Variants in NCOR2 observed in about 807,000 individuals in gnomAD.
NCOR2 encodes nuclear receptor corepressor 2, also known as CTG repeat protein 26.
In NCOR2, 81 loss-of-function variants were observed where a neutral mutation model predicts 262.9. That is an observed-to-expected ratio of 0.31 (90% CI 0.26 to 0.37). The LOEUF is 0.37. Ranked by LOEUF, NCOR2 falls within the 10% of genes least tolerant of loss-of-function variation. The pLI, the probability that NCOR2 is intolerant of heterozygous loss-of-function variation, is 1.00. For synonymous variants in NCOR2, 1,659 were observed against 1,559.3 expected, an observed-to-expected ratio of 1.06 and a Z score of -1.51; for missense variants, 3,385 against 3,621.4, an observed-to-expected ratio of 0.93 and a Z score of 1.68.
chr12:124,391,300 C>A (rs2041287608), intron 16 of NCOR2, among the ~76,000 whole-genome samples: 1 of 152,150 alleles, frequency 6.6e-6, no homozygotes, highest in Non-Finnish European at 1.5e-5. Flanking sequence ...TCACCTCCAG[C>A]CTTGACGTTT....
At chr12:124,350,676 G>A (rs371001060) in exon 28 of NCOR2, 29 of 1,613,576 alleles carry the variant, frequency 1.8e-5, no homozygotes, top group Middle Eastern at 1.6e-4. Flanking sequence ...CAAGCGACTC[G>A]GGCTGTCCTC....
chr12:124,542,082 CG>C, intron 1 of NCOR2, among the ~76,000 whole-genome samples: 1 of 151,900 alleles, frequency 6.6e-6, no homozygotes, highest in Non-Finnish European at 1.5e-5. Flanking sequence ...ATGGAGGCAT[CG>C]ACCTCTTGCC....
rs373777939 is a variant in NCOR2, at chr12:124,517,754, G to C, written c.-118+17811C>G. 6.6e-6 allele frequency among the ~76,000 whole-genome samples: 1 copy of C among 152,174 alleles called. No individual in the cohort carries two copies. Among genetic ancestry groups the C allele is most frequent in the Non-Finnish European group, 1.5e-5 (1 of 68,016 alleles). On this transcript the variant is annotated intron_variant, in intron 1 of 46. Transcript: ENST00000404621. The surrounding 1 kb of genome is among the most constrained non-coding windows in gnomAD (Gnocchi z 7.6). ...TGCCCACCCGGGTCCCCTCCCACGC[G>C]GGCCGGCCAAGAAGCCTCACCCCGG...
At position 124,402,286 on chromosome 12, in the gene NCOR2, C is replaced by T. The variant is rs1451899464; in HGVS notation, c.1640+118G>A. 3.9e-6 allele frequency: 6 copies of T among 1,538,770 alleles called. No homozygotes were observed. In the African/African-American group the frequency reaches 5.5e-5, roughly 14 times the overall value. On this transcript the variant is annotated intron_variant, in intron 14 of 46. Transcript: ENST00000405201. ...GGCAAACGAGCAGAAAGCCCTCCCC[C>T]CTGCTCACAGGCAATTGGTGGGCAC...
intron 26 of NCOR2, 68 bp downstream of exon 28, chr12:124,354,409 AT>A: frequency 7.3e-7 from 1 of 1,369,294 alleles, no homozygotes. Flanking sequence ...CAGGTTTTGA[AT>A]AAAGGGCCCT....
In NCOR2 at chr12:124,454,058, C is replaced by T. The variant is rs1408446133; in HGVS notation, c.762+3048G>A. ...TCTGGCACCCAGTTGGTAGACAGGA[C>T]CCTGCAGAGGGTGCACCATGCAGCT... is the stretch of plus-strand genomic sequence containing the variant. On this transcript the variant is annotated intron_variant, in intron 6 of 46. Coordinates refer to ENST00000405201, the Ensembl canonical transcript of NCOR2. This position sits in a 1 kb window ranked among gnomAD's most constrained non-coding sequence, Gnocchi z 5.6. 3.3e-5 allele frequency among the ~76,000 whole-genome samples: 5 copies of T among 152,216 alleles called. No individual in the cohort carries two copies. The highest frequency in any genetic ancestry group is 5.9e-5 in the Non-Finnish European group (4 of 68,022).
chr12:124,354,553 G>A (rs1593182261), exon 26 of NCOR2: 1 of 1,596,508 alleles, frequency 6.3e-7, no homozygotes, highest in Non-Finnish European at 8.5e-7. Flanking sequence ...CGTGGGGACA[G>A]CTGCTCCTGC....
chr12:124,491,874 CCT>C (rs1298474874), intron 1 of NCOR2, among the ~76,000 whole-genome samples: 2 of 152,128 alleles, frequency 1.3e-5, no homozygotes, highest in African/African-American at 4.8e-5. Flanking sequence ...AAGCTGGGCC[CCT>C]GAGGATGGAG....
chr12:124,536,076 G>A (rs2051105759), upstream of NCOR2, among the ~76,000 whole-genome samples: 2 of 152,114 alleles, frequency 1.3e-5, no homozygotes, highest in South Asian at 4.1e-4. Flanking sequence ...TGTTTGTTTG[G>A]TATTTTGGAG....
At chr12:124,391,308 T>C (rs993094357) in intron 16 of NCOR2, among the ~76,000 whole-genome samples, 1 of 151,776 alleles carries the variant, frequency 6.6e-6, no homozygotes, top group African/African-American at 2.4e-5. Flanking sequence ...AGCCTTGACG[T>C]TTCCCACCCC....
chr12:124,529,439 A>T (rs2050670430), intron 1 of NCOR2, among the ~76,000 whole-genome samples: 1 of 152,268 alleles, frequency 6.6e-6, no homozygotes, highest in Middle Eastern at 3.4e-3. Context: ...ATGCCATGGC[A>T]CTCCAGCCTG....
chr12:124,426,878 CAG>C, intron 10 of NCOR2, 78 bp from the exon 13 acceptor site: 1 of 1,386,776 alleles, frequency 7.2e-7, no homozygotes, highest in Non-Finnish European at 9.7e-7. Flanking sequence ...AGGGAAGACA[CAG>C]AGGGGACGGA....
intron 6 of NCOR2, among the ~76,000 whole-genome samples, chr12:124,455,548 C>T (rs1213801881): frequency 6.6e-6 from 1 of 152,252 alleles, no homozygotes; most frequent in Non-Finnish European, 1.5e-5. Context: ...CTTGTAGTTC[C>T]TGAGTGGCCT....
chr12:124,489,623 C>G (rs762258719), intron 1 of NCOR2, among the ~76,000 whole-genome samples: 2 of 144,084 alleles, frequency 1.4e-5, no homozygotes, highest in African/African-American at 2.5e-5. Flanking sequence ...TCAGGTGATG[C>G]CCCCTGGCCT....
chr12:124,547,029 G>A (rs557244200), intron 1 of NCOR2, among the ~76,000 whole-genome samples: 11 of 151,678 alleles, frequency 7.3e-5, no homozygotes, highest in East Asian at 1.9e-4. Flanking sequence ...TCGCTCTGTC[G>A]CCCAGGCTGG....
chr12:124,330,390 G>T (rs2035077318), intron 44 of NCOR2, among the ~76,000 whole-genome samples: 1 of 152,244 alleles, frequency 6.6e-6, no homozygotes, highest in Non-Finnish European at 1.5e-5. Context: ...CCACACACCT[G>T]TATTTGATCT....
At chr12:124,386,035 A>G in intron 16 of NCOR2, 148 bp from the exon 19 acceptor site, 1 of 1,010,132 alleles carries the variant, frequency 9.9e-7, no homozygotes, top group Non-Finnish European at 1.4e-6. Flanking sequence ...AAGAAGAGAC[A>G]GTGATGGGCC....
At chr12:124,356,500 C>T in intron 23 of NCOR2, 142 bp downstream of exon 25, 1 of 740,560 alleles carries the variant, frequency 1.4e-6, no homozygotes, top group Non-Finnish European at 1.9e-6. Flanking sequence ...TCCCCCTTTC[C>T]CTCCACTGAC....
chr12:124,354,729 T>G (rs912382052), intron 25 of NCOR2, 108 bp downstream of exon 27: 1 of 1,304,984 alleles, frequency 7.7e-7, no homozygotes. Flanking sequence ...ACCTCCCAGC[T>G]GCTACCTGGA....
Sources: allele counts gnomAD v4.1 joint callset (sites outside exome capture counted in the v4.1 genomes callset), GRCh38; gene constraint gnomAD v4.1.1; non-coding constraint Gnocchi (gnomAD v3.1); transcripts MANE v1.5; gene names NCBI Gene and HGNC (gene_info 2026-07-23, HGNC 2026-07-21).